P2RX5: variants seen among roughly 807,000 people sequenced by gnomAD.
P2RX5 encodes P2X purinoceptor 5.
P2RX5 carries 46 observed loss-of-function variants against 54.1 expected under a neutral mutation model. The observed-to-expected ratio is 0.85, with a 90% CI of 0.67 to 1.09. The LOEUF (loss-of-function observed/expected upper bound fraction) is 1.09, where lower values mean the gene tolerates loss of function less well. Among genes scored for constraint, P2RX5 ranks in the 50% least tolerant of loss-of-function variants. P2RX5 has a pLI of 0.00. For synonymous variants in P2RX5, 226 were observed against 226.4 expected (o/e 1.00, Z 0.02); for missense variants, 566 against 549.8 (o/e 1.03, Z -0.29).
chr17:3,710,784 T>C, the P2RX5 span, among the ~76,000 whole-genome samples: 1 of 151,796 alleles, frequency 6.6e-6, no homozygotes, highest in South Asian at 2.1e-4. Flanking sequence ...AAAAGTTAGT[T>C]GGGCGTGGCG....
At chr17:3,710,915 G>T in the P2RX5 span, among the ~76,000 whole-genome samples, 24,391 of 152,126 alleles carry the variant, frequency 0.16, 2,351 homozygotes, top group Non-Finnish European at 0.22. Flanking sequence ...ACGAGAGCGA[G>T]ACCCTGTCTC....
upstream of P2RX5, among the ~76,000 whole-genome samples, chr17:3,697,894 A>C (rs1309004383): frequency 6.6e-6 from 1 of 151,976 alleles, no homozygotes; most frequent in Non-Finnish European, 1.5e-5. Flanking sequence ...ATCCAGTAGG[A>C]TCTCGTTGAC....
At chr17:3,699,917 GGAAAGAAAGAAAGAAAGAAAGAAA>G (rs71362545), upstream of P2RX5, among the ~76,000 whole-genome samples, 38 of 75,430 alleles carry the variant, frequency 5.0e-4, no homozygotes, top group African/African-American at 1.5e-3. Flanking sequence ...AAGGAAGGAA[GGAAAGAAAGAAAGAAAGAAAGAAA>G]GAAAGAAAGA....
chr17:3,688,161 G>T, intron 8 of P2RX5, 56 bp from the exon 9 acceptor site: 1 of 942,720 alleles, frequency 1.1e-6, no homozygotes, highest in Non-Finnish European at 1.7e-6. Context: ...CCCTCTTTAG[G>T]CAGCACTGAT....
the P2RX5 span, among the ~76,000 whole-genome samples, chr17:3,713,017 C>T: frequency 3.2e-5 from 4 of 124,190 alleles, no homozygotes; most frequent in African/African-American, 1.4e-4. Context: ...GTTCTAAGTG[C>T]AAACTCTAAA....
chr17:3,718,914 T>C, the P2RX5 span, among the ~76,000 whole-genome samples: 1 of 152,182 alleles, frequency 6.6e-6, no homozygotes, highest in Non-Finnish European at 1.5e-5. Context: ...GTATTTTCCA[T>C]TTCCCTCTAT....
intron 1 of P2RX5, 74 bp from the exon 2 acceptor site, chr17:3,691,868 G>A (rs777092989): frequency 2.0e-6 from 3 of 1,510,416 alleles, no homozygotes; most frequent in South Asian, 2.3e-5. Flanking sequence ...GCCTTGGGGT[G>A]GGGTAGCAGT....
chr17:3,693,424 G>A (rs2050672593), intron 1 of P2RX5, among the ~76,000 whole-genome samples: 1 of 152,146 alleles, frequency 6.6e-6, no homozygotes, highest in Admixed American at 6.6e-5. Context: ...TACCAGATAA[G>A]CCAGAAAATT....
the P2RX5 span, chr17:3,723,606 C>A: frequency 7.1e-7 from 1 of 1,403,142 alleles, no homozygotes; most frequent in Non-Finnish European, 9.6e-7. Flanking sequence ...AGGGGTAACC[C>A]AGGAAAAACA....
chr17:3,694,227 C>A (rs1234170465), intron 1 of P2RX5, among the ~76,000 whole-genome samples: 3 of 99,700 alleles, frequency 3.0e-5, no homozygotes, highest in African/African-American at 5.9e-5. Flanking sequence ...GTGAAAGAAG[C>A]CAGAAAAAAA....
intron 11 of P2RX5, chr17:3,675,377 T>G: frequency 1.0e-6 from 1 of 985,286 alleles, no homozygotes; most frequent in African/African-American, 1.7e-5. Context: ...ACAAATAGTA[T>G]GACTATCCTC....
At chr17:3,715,024 A>G in the P2RX5 span, 3 of 760,218 alleles carry the variant, frequency 3.9e-6, no homozygotes, top group South Asian at 1.5e-5. Flanking sequence ...GCTGTTGCCT[A>G]AATAGCCCCT....
the P2RX5 span, among the ~76,000 whole-genome samples, chr17:3,722,181 G>T: frequency 7.0e-6 from 1 of 143,078 alleles, no homozygotes. Context: ...AGAAAGAAAA[G>T]AAAAGAAAAG....
the P2RX5 span, among the ~76,000 whole-genome samples, chr17:3,707,294 C>A: frequency 6.6e-6 from 1 of 152,080 alleles, no homozygotes; most frequent in African/African-American, 2.4e-5. Context: ...AAATACCTGA[C>A]AAGGGGTTGC....
chr17:3,696,922 G>A (rs1364526936), upstream of P2RX5, among the ~76,000 whole-genome samples: 6 of 151,360 alleles, frequency 4.0e-5, no homozygotes, highest in Non-Finnish European at 8.9e-5. Flanking sequence ...CGTGGGCAGG[G>A]GGTGGTTGTG....
chr17:3,711,869 G>A, the P2RX5 span, among the ~76,000 whole-genome samples: 1 of 152,130 alleles, frequency 6.6e-6, no homozygotes. Context: ...CCAAGCCATA[G>A]CATATGAATT....
At chr17:3,710,115 C>A in the P2RX5 span, among the ~76,000 whole-genome samples, 1 of 151,828 alleles carries the variant, frequency 6.6e-6, no homozygotes, top group East Asian at 1.9e-4. Context: ...CAGAATAATG[C>A]AGTAGTGCAG....
intron 7 of P2RX5, 50 bp downstream of exon 7, chr17:3,689,442 C>T (rs1187753329): frequency 1.2e-6 from 2 of 1,608,616 alleles, no homozygotes; most frequent in South Asian, 1.1e-5. Context: ...AGAGCCAGGC[C>T]CAGTGCCCCC....
At chr17:3,685,662 GCCTGAGAACAGGAGAAC>G (rs2050434867) in intron 9 of P2RX5, 1 of 10,846 alleles carries the variant, frequency 9.2e-5, no homozygotes, top group Admixed American at 3.1e-3. Context: ...CCCCCTCCCA[GCCTGAGAACAGGAGAAC>G]GCACAGCGGG....
Sources: gnomAD v4.1 joint callset for allele counts (sites outside exome capture counted in the v4.1 genomes callset) on GRCh38, gnomAD v4.1.1 for gene constraint, MANE v1.5 for transcripts, NCBI Gene and HGNC (gene_info 2026-07-23, HGNC 2026-07-21) for gene names.